SREBF2: variants seen among roughly 807,000 people sequenced by gnomAD.
SREBF2 encodes sterol regulatory element binding transcription factor 2.
SREBF2 carries 55 observed loss-of-function variants against 113.1 expected under a neutral mutation model. That is an observed-to-expected ratio of 0.49 (90% CI 0.39 to 0.61). The LOEUF (loss-of-function observed/expected upper bound fraction) is 0.61, where lower values mean the gene tolerates loss of function less well. Among genes scored for constraint, SREBF2 ranks in the 20% least tolerant of loss-of-function variants. The pLI, the probability that SREBF2 is intolerant of heterozygous loss-of-function variation, is 0.00. For missense variants in SREBF2, 1,349 were observed against 1,487.4 expected, an observed-to-expected ratio of 0.91 and a Z score of 1.53; for synonymous variants, 593 against 605.7, an observed-to-expected ratio of 0.98 and a Z score of 0.31.
At chr22:41,852,678 A>T (rs1355646964) in intron 1 of SREBF2, among the ~76,000 whole-genome samples, 5 of 148,654 alleles carry the variant, frequency 3.4e-5, no homozygotes, top group African/African-American at 1.2e-4. Flanking sequence ...TCAATTGATG[A>T]AGTTATCTGA....
At position 41,833,494 on chromosome 22, in the gene SREBF2, G is replaced by C. The variant is rs2076734855; in HGVS notation, c.88+136G>C. 1 of 693,286 alleles carries C rather than the reference G, an allele frequency of 1.4e-6. No homozygotes were observed. 42.9% of individuals were successfully genotyped at this position (693,286 alleles called of 1,614,324 possible). A position where few individuals can be genotyped will look rare whatever the true frequency, so the allele number is the denominator to read the frequency against. On this transcript the variant is annotated intron_variant, in intron 1 of 18. Coordinates refer to ENST00000361204, the MANE Select transcript of SREBF2 (RefSeq NM_004599.4). This position sits in a 1 kb window ranked among gnomAD's most constrained non-coding sequence, Gnocchi z 4.1. The stretch of plus-strand genomic sequence containing the variant: ...AGAACCCCGTGCGCACGGTGCCCCC[G>C]GCGGTCCTCAACCCTTCCGGCGCTG...
chr22:41,904,891 T>A lies in SREBF2; in HGVS notation c.3122T>A (p.Leu1041Gln). 1 of 1,603,428 alleles carries A rather than the reference T, an allele frequency of 6.2e-7. No homozygotes were observed. Among genetic ancestry groups the A allele is most frequent in the South Asian group, 1.1e-5 (1 of 89,464 alleles). The change falls in exon 18 of 19, where the codon CTG becomes CAG. Residue 1041 changes from leucine (L) to glutamine (Q), a missense_variant. Leu to Gln is a moderately radical substitution (Grantham distance 113). Transcript: ENST00000361204. ...KVFLHEATVR[L>Q]MAGASPTRTH... is the part of the protein sequence containing the mutation. ...TTCCTGCATGAAGCCACCGTGCGCC[T>A]GATGGCAGGAGCCAGCCCCACCCGC...
chr22:41,833,232 A>T lies in SREBF2; in HGVS notation c.-39A>T. On this transcript the variant is annotated 5_prime_UTR_variant, in exon 1 of 19. An upstream open reading frame in the 5' UTR loses its in-frame stop. Transcript: ENST00000361204. The surrounding 1 kb of genome is among the most constrained non-coding windows in gnomAD (Gnocchi z 4.1). Reference sequence around the variant, plus strand: ...ACGGCACCGCCCCCGCGTCTCCCTGAGCGGGACGGCAGGGGGGGCTTCTGC... The same window carrying T: ...ACGGCACCGCCCCCGCGTCTCCCTGTGCGGGACGGCAGGGGGGGCTTCTGC... The T allele has an allele frequency of 6.7e-7, 1 of 1,491,764 alleles. No individual in the cohort carries two copies. Among genetic ancestry groups the T allele is most frequent in the South Asian group, 1.3e-5 (1 of 79,882 alleles). The allele number at this position is 1,491,764 out of a possible 1,614,324, so 92.4% of individuals were successfully genotyped here. A position where few individuals can be genotyped will look rare whatever the true frequency, so the allele number is the denominator to read the frequency against.
intron 1 of SREBF2, among the ~76,000 whole-genome samples, chr22:41,852,410 C>T (rs896550580): frequency 3.3e-5 from 5 of 151,030 alleles, no homozygotes; most frequent in Admixed American, 6.6e-5. Context: ...TGAATTTAAT[C>T]GTGACATCTC....
At chr22:41,876,414 A>G (rs1255858354) in intron 7 of SREBF2, among the ~76,000 whole-genome samples, 1 of 152,202 alleles carries the variant, frequency 6.6e-6, no homozygotes, top group African/African-American at 2.4e-5. Flanking sequence ...AAATATTCTT[A>G]TAAATGTGGT....
Position 41,902,523 on chromosome 22 carries a change from C to G in SREBF2, c.2908-447C>G, listed in dbSNP as rs534047093. Among the ~76,000 whole-genome samples the G allele has an allele frequency of 2.0e-4, 31 of 152,274 alleles. 1 individual carries two copies. The South Asian group carries it at 6.2e-3, about 31-fold the overall frequency. On this transcript the variant is annotated intron_variant, in intron 16 of 18. Coordinates refer to ENST00000361204, the MANE Select transcript of SREBF2 (RefSeq NM_004599.4). ...CTGTCTCCCTCTCCCACTCCTCCTCCTCCTTCCCCCAGCCCCATCGACAGG... is the reference window on the plus strand; with the variant it reads ...CTGTCTCCCTCTCCCACTCCTCCTCGTCCTTCCCCCAGCCCCATCGACAGG...
In SREBF2 at chr22:41,900,375, T is replaced by C; in HGVS notation, c.2784T>C (p.His928=). 6.2e-7 allele frequency: 1 copy of C among 1,613,878 alleles called. No homozygotes were observed. Among genetic ancestry groups the C allele is most frequent in the Non-Finnish European group, 8.5e-7 (1 of 1,180,038 alleles). The stretch of plus-strand genomic sequence containing the variant: ...TCTTCCATGCCTGCAGAGCCATGCA[T>C]GCCTCACTCCCTGGGAAAGCAGATG... ...KAIFHACRAM[H]ASLPGKADGQ... Residue 928 remains histidine, a synonymous_variant, in exon 16 of 19, where the codon CAT becomes CAC. Transcript: ENST00000361204.
At chr22:41,895,717 T>G (rs771481077) in intron 13 of SREBF2, among the ~76,000 whole-genome samples, 1 of 152,018 alleles carries the variant, frequency 6.6e-6, no homozygotes, top group Admixed American at 6.5e-5. Flanking sequence ...ATTACAGGCA[T>G]GAGCCACCAC....
chr22:41,837,358 G>A (rs2076785539), intron 1 of SREBF2, among the ~76,000 whole-genome samples: 1 of 151,864 alleles, frequency 6.6e-6, no homozygotes, highest in Non-Finnish European at 1.5e-5. Context: ...AGGAGTTCAA[G>A]ACCAGCCTAG....
chr22:41,873,165 C>G (rs958056665), intron 4 of SREBF2, among the ~76,000 whole-genome samples: 1 of 151,964 alleles, frequency 6.6e-6, no homozygotes, highest in Non-Finnish European at 1.5e-5. Flanking sequence ...CCATTGCATT[C>G]CAGCCTGGGC....
In SREBF2 at chr22:41,878,031, C is replaced by T. The variant is rs760750702; in HGVS notation, c.1669C>T (p.Leu557=). 36 of 1,614,150 alleles carry T rather than the reference C, an allele frequency of 2.2e-5. No individual in the cohort carries two copies. The highest frequency in any genetic ancestry group is 3.1e-5 in the Non-Finnish European group (36 of 1,180,032). ...VIVLSVFVKL[L]VHGEPVIRPH... ...TGTCCTGAGCGTCTTTGTGAAGCTG[C>T]TGGTTCATGGGGAGCCAGTGATCCG... The change falls in exon 9 of 19, where the codon CTG becomes TTG. Residue 557 remains leucine, a synonymous_variant. Transcript: ENST00000361204.
Position 41,833,193 on chromosome 22 carries a change from CATGGGCGGTGGCGACGG to C in SREBF2, c.-77_-61del. On this transcript the variant is annotated 5_prime_UTR_variant, in exon 1 of 19. It removes an upstream start codon present in the reference 5' UTR. Transcript: ENST00000361204. This position sits in a 1 kb window ranked among gnomAD's most constrained non-coding sequence, Gnocchi z 4.1. ...GTGCCGGGCGGGGGTTGTCGGGTGTCATGGGCGGTGGCGACGGCACCGCCCCCGCGTCTCCCTGAGCG... is the reference window on the plus strand; with the variant it reads ...GTGCCGGGCGGGGGTTGTCGGGTGTCCACCGCCCCCGCGTCTCCCTGAGCG... The C allele has an allele frequency of 2.5e-6, 3 of 1,212,904 alleles. No individual in the cohort carries two copies. Among genetic ancestry groups the C allele is most frequent in the Non-Finnish European group, 3.4e-6 (3 of 887,264 alleles). 75.1% of individuals were successfully genotyped at this position (1,212,904 alleles called of 1,614,324 possible). A position where few individuals can be genotyped will look rare whatever the true frequency, so the allele number is the denominator to read the frequency against.
At chr22:41,883,662 C>G (rs1317437430) in intron 10 of SREBF2, among the ~76,000 whole-genome samples, 1 of 152,184 alleles carries the variant, frequency 6.6e-6, no homozygotes, top group Non-Finnish European at 1.5e-5. Context: ...GCCCTCTCAC[C>G]TCCCTTCCTG....
intron 1 of SREBF2, among the ~76,000 whole-genome samples, chr22:41,865,842 A>G (rs1475128323): frequency 6.6e-6 from 1 of 152,208 alleles, no homozygotes; most frequent in East Asian, 1.9e-4. Context: ...TTCTAATCCT[A>G]GCTGTACCCT....
At chr22:41,837,872 A>AAAAG (rs530969305) in intron 1 of SREBF2, among the ~76,000 whole-genome samples, 4 of 151,300 alleles carry the variant, frequency 2.6e-5, no homozygotes, top group East Asian at 1.9e-4. Flanking sequence ...AAAAAAAAAA[A>AAAAG]AAAGAAAGAA....
intron 11 of SREBF2, among the ~76,000 whole-genome samples, chr22:41,887,838 A>T (rs1463218697): frequency 6.6e-6 from 1 of 152,114 alleles, no homozygotes. Context: ...TATAATGTCA[A>T]TTTTTTTAAG....
intron 4 of SREBF2, among the ~76,000 whole-genome samples, chr22:41,872,924 G>T (rs1471005792): frequency 6.7e-6 from 1 of 149,796 alleles, no homozygotes; most frequent in East Asian, 2.0e-4. Context: ...AAAACAGGAC[G>T]TGGTGGCTCA....
At chr22:41,891,131 A>G (rs1056668028) in intron 11 of SREBF2, 3 of 152,050 alleles carry the variant, frequency 2.0e-5, no homozygotes, top group African/African-American at 7.3e-5. Flanking sequence ...GTTCTTGGAA[A>G]GAGAGTTGGA....
chr22:41,843,856 A>T (rs2076850930), intron 1 of SREBF2, among the ~76,000 whole-genome samples: 1 of 151,792 alleles, frequency 6.6e-6, no homozygotes, highest in Admixed American at 6.6e-5. Flanking sequence ...AAAAAAAAAA[A>T]AATACAAAAA....
Sources: gnomAD v4.1 joint callset for allele counts (sites outside exome capture counted in the v4.1 genomes callset) on GRCh38, gnomAD v4.1.1 for gene constraint, Gnocchi (gnomAD v3.1) non-coding constraint, MANE v1.5 for transcripts, NCBI Gene and HGNC (gene_info 2026-07-23, HGNC 2026-07-21) for gene names.